The following H6PD variants were observed in gnomAD, a reference collection of about 807,000 sequenced individuals.
H6PD encodes the protein GDH/6PGL endoplasmic bifunctional protein.
A neutral mutation model predicts 61.2 loss-of-function variants in H6PD; 48 were observed. That is an observed-to-expected ratio of 0.78 (90% CI 0.62 to 1.00). The LOEUF (loss-of-function observed/expected upper bound fraction) is 1.00. Among genes scored for constraint, H6PD ranks in the 50% least tolerant of loss-of-function variants. The pLI is 0.00. For synonymous variants in H6PD, 480 were observed against 457.9 expected, an observed-to-expected ratio of 1.05 and a Z score of -0.62; for missense variants, 1,093 against 1,065.0, an observed-to-expected ratio of 1.03 and a Z score of -0.37.
At chr1:9,244,046 A>G (rs889291949) in intron 1 of H6PD, among the ~76,000 whole-genome samples, 2 of 152,018 alleles carry the variant, frequency 1.3e-5, no homozygotes, top group Admixed American at 1.3e-4. Context: ...CCATTTGCAG[A>G]ATGGGAGGAC....
chr1:9,241,845 C>G (rs915729201), intron 1 of H6PD, among the ~76,000 whole-genome samples: 4 of 152,148 alleles, frequency 2.6e-5, no homozygotes, highest in Admixed American at 6.5e-5. Flanking sequence ...TGACAGTTTC[C>G]TTCACCTCCC....
At chr1:9,246,922 C>A in intron 2 of H6PD, 44 bp from the exon 3 acceptor site, 1 of 1,363,770 alleles carries the variant, frequency 7.3e-7, no homozygotes, top group Non-Finnish European at 1.1e-6. Context: ...CCTCCTTCAT[C>A]GTGAGAGTAT....
intron 3 of H6PD, among the ~76,000 whole-genome samples, chr1:9,261,554 C>T (rs1382008502): frequency 6.6e-6 from 1 of 152,218 alleles, no homozygotes. Context: ...AGGTGTGCGC[C>T]CGGTAGTGAG....
Position 9,268,079 on chromosome 1 carries a change from C to T in H6PD, c.*3210C>T, listed in dbSNP as rs1638626798. The T allele has an allele frequency of 6.6e-6, 1 of 151,898 alleles. No homozygotes were observed. Among genetic ancestry groups the T allele is most frequent in the South Asian group, 2.1e-4 (1 of 4,812 alleles). 9.4% of individuals were successfully genotyped at this position (151,898 alleles called of 1,614,324 possible). A position where few individuals can be genotyped will look rare whatever the true frequency, so the allele number is the denominator to read the frequency against. On this transcript the variant is annotated 3_prime_UTR_variant, in exon 5 of 5. Coordinates refer to ENST00000377403, the MANE Select transcript of H6PD (RefSeq NM_004285.4). Reference sequence around the variant, plus strand: ...GCAACATAGTGAGACCCCATCTCTACAAAAAGTTTTAAAACCAGGTATGGT... The same window carrying T: ...GCAACATAGTGAGACCCCATCTCTATAAAAAGTTTTAAAACCAGGTATGGT...
chr1:9,253,311 T>A (rs1641425577), intron 3 of H6PD, among the ~76,000 whole-genome samples: 1 of 152,190 alleles, frequency 6.6e-6, no homozygotes, highest in African/African-American at 2.4e-5. Context: ...TTTTTGAGAA[T>A]TGAGAGAGGA....
chr1:9,259,349 G>A (rs1457665522), intron 3 of H6PD, among the ~76,000 whole-genome samples: 1 of 152,216 alleles, frequency 6.6e-6, no homozygotes, highest in East Asian at 1.9e-4. Flanking sequence ...TTACACTGGT[G>A]TTGTATGGTT....
At chr1:9,237,236 CTTTTTT>C (rs370751354) in intron 1 of H6PD, among the ~76,000 whole-genome samples, 3,921 of 70,698 alleles carry the variant, frequency 0.055, 73 homozygotes, top group Non-Finnish European at 0.085. Context: ...TTTGACTTCT[CTTTTTT>C]TTTTTTTTTT....
At chr1:9,261,735 C>T (rs989000321) in intron 3 of H6PD, among the ~76,000 whole-genome samples, 3 of 152,242 alleles carry the variant, frequency 2.0e-5, no homozygotes, top group African/African-American at 7.2e-5. Context: ...CCAGGCAGGG[C>T]GGGGCGAGGG....
At position 9,262,062 on chromosome 1, in the gene H6PD, G is replaced by T. The variant is rs140374763; in HGVS notation, c.749G>T (p.Arg250Leu). 1.9e-6 allele frequency: 3 copies of T among 1,614,104 alleles called. No individual in the cohort carries two copies. Among genetic ancestry groups the T allele is most frequent in the Non-Finnish European group, 2.5e-6 (3 of 1,179,974 alleles). The change falls in exon 4 of 5, where the codon CGC becomes CTC. Residue 250 changes from arginine to leucine, a missense_variant. Arg to Leu is a moderately radical substitution (Grantham distance 102, BLOSUM62 -2). Coordinates refer to ENST00000377403, the MANE Select transcript of H6PD (RefSeq NM_004285.4). ...CTTCTCCACCTCCCTCCACCAGGCCGCACCAGCTTCTATGAGGAGTACGGT... is the reference window on the plus strand; with the variant it reads ...CTTCTCCACCTCCCTCCACCAGGCCTCACCAGCTTCTATGAGGAGTACGGT... ...IMKETVDAEG[R>L]TSFYEEYGVI...
At chr1:9,250,408 C>T (rs1641323197) in intron 3 of H6PD, among the ~76,000 whole-genome samples, 1 of 148,212 alleles carries the variant, frequency 6.7e-6, no homozygotes, top group Non-Finnish European at 1.5e-5. Context: ...CATTCTCCCC[C>T]ACTCCCTACC....
intron 1 of H6PD, 26 bp from the exon 2 acceptor site, chr1:9,244,899 C>T (rs1265472909): frequency 1.9e-6 from 3 of 1,610,730 alleles, no homozygotes; most frequent in African/African-American, 2.7e-5. Flanking sequence ...TTCCTTGTTC[C>T]TCGTCTGTCT....
At position 9,248,658 on chromosome 1, in the gene H6PD, G is replaced by A. The variant is rs913281420; in HGVS notation, c.745+1575G>A. Among the ~76,000 whole-genome samples the A allele has an allele frequency of 2.0e-5, 3 of 147,082 alleles. No homozygotes were observed. The Admixed American group carries it at 2.1e-4, about 10-fold the overall frequency. ...AAAAAGAAAACAAAATGGGTGATGG[G>A]TGTTGCAGGCAGGCAGCGTGGTGGG... On this transcript the variant is annotated intron_variant, in intron 3 of 4. Transcript: ENST00000377403.
chr1:9,263,763 C>T lies in H6PD; in HGVS notation c.1270C>T (p.Pro424Ser). ...CAGGAACCTGTTCAGGCCCTCCCTG[C>T]CCTCCAGCTGGAAGGAAATGGAGGG... ...VSRNLFRPSL[P>S]SSWKEMEGPP... Residue 424 changes from proline (P) to serine (S), a missense_variant, in exon 5 of 5, where the codon CCC becomes TCC. Transcript: ENST00000377403. 3.1e-6 allele frequency: 5 copies of T among 1,614,008 alleles called. No individual in the cohort carries two copies. The highest frequency in any genetic ancestry group is 4.2e-6 in the Non-Finnish European group (5 of 1,180,038).
intron 3 of H6PD, among the ~76,000 whole-genome samples, chr1:9,248,509 C>A (rs567393348): frequency 6.6e-6 from 1 of 152,154 alleles, no homozygotes; most frequent in East Asian, 1.9e-4. Flanking sequence ...GGGACAAACT[C>A]CAAAATGGAG....
At chr1:9,239,195 C>T (rs765327821) in intron 1 of H6PD, among the ~76,000 whole-genome samples, 16 of 151,992 alleles carry the variant, frequency 1.1e-4, no homozygotes, top group East Asian at 3.9e-4. Flanking sequence ...TACAGGCACC[C>T]GCCACCACAC....
At chr1:9,255,577 A>G (rs1272833060) in intron 3 of H6PD, among the ~76,000 whole-genome samples, 2 of 152,134 alleles carry the variant, frequency 1.3e-5, no homozygotes, top group African/African-American at 4.8e-5. Flanking sequence ...CCACTGTGCC[A>G]GGCCTTAGGT....
In H6PD at chr1:9,266,345, AG is replaced by A. The variant is rs1638561316; in HGVS notation, c.*1477del. The A allele has an allele frequency of 6.6e-6, 1 of 152,268 alleles. No homozygotes were observed. The highest frequency in any genetic ancestry group is 1.5e-5 in the Non-Finnish European group (1 of 68,064). The allele number at this position is 152,268 out of a possible 1,614,324, so 9.4% of individuals were successfully genotyped here. A position where few individuals can be genotyped will look rare whatever the true frequency, so the allele number is the denominator to read the frequency against. ...CGAACTCTCTGCCTGAGACTGGGGAAGTAAGCGGGTATCTTCTCAGTGAGCA... is the reference window on the plus strand; with the variant it reads ...CGAACTCTCTGCCTGAGACTGGGGAATAAGCGGGTATCTTCTCAGTGAGCA... On this transcript the variant is annotated 3_prime_UTR_variant, in exon 5 of 5. Coordinates refer to ENST00000377403, the MANE Select transcript of H6PD (RefSeq NM_004285.4).
chr1:9,263,416 G>A, intron 4 of H6PD, 93 bp from the exon 5 acceptor site: 1 of 1,234,426 alleles, frequency 8.1e-7, no homozygotes. Context: ...GAGGCAGGGG[G>A]ACGCCCAGAG....
intron 3 of H6PD, among the ~76,000 whole-genome samples, chr1:9,251,711 G>GC (rs1041935820): frequency 4.0e-4 from 61 of 152,068 alleles, no homozygotes; most frequent in Admixed American, 3.9e-3. Context: ...TCCCCTTCCC[G>GC]CCCCCTCTGC....
Sources: gnomAD v4.1 joint callset for allele counts (sites outside exome capture counted in the v4.1 genomes callset) on GRCh38, gnomAD v4.1.1 for gene constraint, MANE v1.5 for transcripts, NCBI Gene and HGNC (gene_info 2026-07-23, HGNC 2026-07-21) for gene names.